Variants in TRAPPC9 observed in about 807,000 individuals in gnomAD.
TRAPPC9 encodes the protein IKK2 binding protein.
In TRAPPC9, 83 loss-of-function variants were observed where a neutral mutation model predicts 124.0. The observed-to-expected ratio is 0.67, with a 90% confidence interval of 0.56 to 0.80. TRAPPC9 has a LOEUF of 0.80. TRAPPC9 is among the 30% of genes least tolerant of loss of function. The pLI is 0.00. For synonymous variants in TRAPPC9, 638 were observed against 617.5 expected (o/e 1.03, Z -0.49); for missense variants, 1,302 against 1,508.3 (o/e 0.86, Z 2.27).
At chr8:140,356,301 C>T (rs55869340) in intron 9 of TRAPPC9, among the ~76,000 whole-genome samples, 17,115 of 152,294 alleles carry the variant, frequency 0.11, 1,238 homozygotes, top group Middle Eastern at 0.27. Flanking sequence ...ACATCAACCT[C>T]CGAGCACGTG....
rs571982912 is a variant in TRAPPC9 at position 140,178,087 on chromosome 8, G to C, written c.2556+43372C>G. On this transcript the variant is annotated intron_variant, in intron 17 of 22. Coordinates refer to ENST00000438773, the MANE Select transcript of TRAPPC9 (RefSeq NM_001160372.4). ...CATAGTAATGTTTTCTGTGAATAAC[G>C]AGTTTTATTTCTTCCTTTCCAATCT... 1.7e-3 allele frequency among the ~76,000 whole-genome samples: 251 copies of C among 152,060 alleles called. 1 individual carries two copies. The highest frequency in any genetic ancestry group is 5.7e-3 in the African/African-American group (238 of 41,510).
At chr8:139,743,017 T>C (rs1818661800) in intron 21 of TRAPPC9, among the ~76,000 whole-genome samples, 1 of 152,158 alleles carries the variant, frequency 6.6e-6, no homozygotes, top group Non-Finnish European at 1.5e-5. Flanking sequence ...TCTGCCTCAC[T>C]CAGAGTGGGC....
At chr8:139,844,513 C>G (rs28615291) in intron 21 of TRAPPC9, among the ~76,000 whole-genome samples, 86,654 of 152,186 alleles carry the variant, frequency 0.57, 27,898 homozygotes, top group African/African-American at 0.86. Flanking sequence ...AGAGTATGCA[C>G]AGCCCTGTGC....
At chr8:140,224,201 A>G (rs1182316573) in intron 16 of TRAPPC9, among the ~76,000 whole-genome samples, 1 of 152,216 alleles carries the variant, frequency 6.6e-6, no homozygotes, top group African/African-American at 2.4e-5. Flanking sequence ...CATGAAATGA[A>G]CTTCAGAAGA....
At position 140,024,219 on chromosome 8, in the gene TRAPPC9, C is replaced by A. The variant is rs2131924699; in HGVS notation, c.2557-140G>T. The A allele has an allele frequency of 7.2e-6, 8 of 1,112,838 alleles. No individual in the cohort carries two copies. In the South Asian group the frequency reaches 1.1e-4, roughly 15 times the overall value. 68.9% of individuals were successfully genotyped at this position (1,112,838 alleles called of 1,614,324 possible). A position where few individuals can be genotyped will look rare whatever the true frequency, so the allele number is the denominator to read the frequency against. On this transcript the variant is annotated intron_variant, in intron 17 of 22. Transcript: ENST00000438773. ...CAAGTCATCAGCATTGGCCGACTCA[C>A]AACCCCGGCGGGTACCGACTCACAC... is the stretch of plus-strand genomic sequence containing the variant.
intron 19 of TRAPPC9, among the ~76,000 whole-genome samples, chr8:139,954,055 A>G (rs1834827308): frequency 6.6e-6 from 1 of 152,178 alleles, no homozygotes; most frequent in Non-Finnish European, 1.5e-5. Flanking sequence ...ATCCATCCCC[A>G]TATTAATAGA....
chr8:140,044,222 C>A (rs1456071662), intron 17 of TRAPPC9, among the ~76,000 whole-genome samples: 1 of 151,644 alleles, frequency 6.6e-6, no homozygotes, highest in Non-Finnish European at 1.5e-5. Context: ...CACTGGGTGC[C>A]CCCCTGTTCC....
At chr8:139,886,047 C>A (rs1243079226) in intron 20 of TRAPPC9, 78 bp from the exon 21 acceptor site, 4 of 1,383,918 alleles carry the variant, frequency 2.9e-6, no homozygotes, top group Non-Finnish European at 4.0e-6. Flanking sequence ...TAGACAGAGA[C>A]CCTCAGATGG....
chr8:140,050,969 CCGAAACAGTCCTTGATGG>C (rs1246743558), intron 17 of TRAPPC9, among the ~76,000 whole-genome samples: 7 of 152,216 alleles, frequency 4.6e-5, no homozygotes, highest in Admixed American at 4.6e-4. Flanking sequence ...ACGGAAGTCA[CCGAAACAGTCCTTGATGG>C]CTATTTTAGA....
chr8:140,392,149 A>G (rs549355694), intron 7 of TRAPPC9, among the ~76,000 whole-genome samples: 1 of 152,364 alleles, frequency 6.6e-6, no homozygotes, highest in Non-Finnish European at 1.5e-5. Context: ...CAATGGTGGT[A>G]TCTACAAGAC....
intron 19 of TRAPPC9, among the ~76,000 whole-genome samples, chr8:139,941,583 G>C (rs1177155990): frequency 6.6e-6 from 1 of 152,230 alleles, no homozygotes; most frequent in Non-Finnish European, 1.5e-5. Flanking sequence ...ACTGTGCCAA[G>C]TGGTAACATC....
intron 2 of TRAPPC9, 32 bp downstream of exon 2, chr8:140,450,758 G>A (rs1240278283): frequency 1.3e-6 from 2 of 1,548,590 alleles, no homozygotes; most frequent in Non-Finnish European, 1.8e-6. Flanking sequence ...ATGCAGGGAA[G>A]CCAAGGGGCC....
intron 10 of TRAPPC9, among the ~76,000 whole-genome samples, chr8:140,310,664 G>C (rs751444201): frequency 8.5e-5 from 13 of 152,168 alleles, no homozygotes; most frequent in Non-Finnish European, 1.6e-4. Context: ...GGAGAGCAGT[G>C]AGCAATGGGT....
At chr8:139,955,158 G>GCCA (rs1834890966) in intron 19 of TRAPPC9, among the ~76,000 whole-genome samples, 1 of 152,066 alleles carries the variant, frequency 6.6e-6, no homozygotes, top group Non-Finnish European at 1.5e-5. Context: ...CAAAGCCTCT[G>GCCA]CCACCAGCTG....
intron 21 of TRAPPC9, among the ~76,000 whole-genome samples, chr8:139,843,544 G>T (rs1359829326): frequency 6.6e-6 from 1 of 152,228 alleles, no homozygotes; most frequent in Non-Finnish European, 1.5e-5. Context: ...AGCTCACTTG[G>T]AGACAGGAAG....
chr8:139,868,287 C>T (rs531660194), intron 21 of TRAPPC9, among the ~76,000 whole-genome samples: 5 of 152,212 alleles, frequency 3.3e-5, no homozygotes, highest in South Asian at 2.1e-4. Context: ...ACCCAGGAGG[C>T]GGAGGCTGCA....
intron 21 of TRAPPC9, among the ~76,000 whole-genome samples, chr8:139,770,760 C>T (rs377672725): frequency 3.9e-5 from 6 of 152,306 alleles, no homozygotes; most frequent in South Asian, 4.1e-4. Context: ...GAGCCCTTAG[C>T]GTGGTGGGGA....
chr8:139,817,253 G>A (rs1327005791), intron 21 of TRAPPC9, among the ~76,000 whole-genome samples: 1 of 152,206 alleles, frequency 6.6e-6, no homozygotes, highest in Non-Finnish European at 1.5e-5. Context: ...CAGTGGACAT[G>A]GCTGGGGATA....
At chr8:140,335,423 C>G (rs541818563) in intron 9 of TRAPPC9, among the ~76,000 whole-genome samples, 1 of 152,196 alleles carries the variant, frequency 6.6e-6, no homozygotes, top group Admixed American at 6.5e-5. Flanking sequence ...AGTATGACAA[C>G]TTGGGGATGA....
Sources: gnomAD v4.1 joint callset for allele counts (sites outside exome capture counted in the v4.1 genomes callset) on GRCh38, gnomAD v4.1.1 for gene constraint, MANE v1.5 for transcripts, NCBI Gene and HGNC (gene_info 2026-07-23, HGNC 2026-07-21) for gene names.